Variants in TENM3 observed in about 807,000 individuals in gnomAD.
TENM3 encodes the protein teneurin-3.
TENM3 carries 63 observed loss-of-function variants against 255.1 expected under a neutral mutation model. The ratio of observed to expected loss-of-function variants is 0.25; its 90% CI spans 0.20 to 0.30. The LOEUF (loss-of-function observed/expected upper bound fraction) is 0.30. Among genes scored for constraint, TENM3 ranks in the 10% least tolerant of loss-of-function variants. The pLI is 1.00. For synonymous variants in TENM3, 1,306 were observed against 1,322.3 expected (o/e 0.99, Z 0.27); for missense variants, 2,929 against 3,461.1 (o/e 0.85, Z 3.86).
the TENM3 span, among the ~76,000 whole-genome samples, chr4:181,734,865 G>A: frequency 6.6e-6 from 1 of 152,030 alleles, no homozygotes; most frequent in South Asian, 2.1e-4. Flanking sequence ...CAAAGAAATG[G>A]CTTGATAGAA....
At chr4:182,160,193 G>A (rs1018210661) in intron 1 of TENM3, among the ~76,000 whole-genome samples, 2 of 150,942 alleles carry the variant, frequency 1.3e-5, no homozygotes, top group African/African-American at 2.4e-5. Flanking sequence ...TAGTAGAGAC[G>A]GGGTTTCACC....
the TENM3 span, among the ~76,000 whole-genome samples, chr4:181,943,049 T>C: frequency 1.3e-5 from 2 of 152,180 alleles, no homozygotes; most frequent in African/African-American, 4.8e-5. Context: ...CATTCAAATA[T>C]TTTGGGAGTA....
At chr4:182,576,967 C>T (rs190243675) in intron 3 of TENM3, among the ~76,000 whole-genome samples, 3 of 152,302 alleles carry the variant, frequency 2.0e-5, no homozygotes, top group Admixed American at 6.5e-5. Context: ...GCTTCCTTTC[C>T]TGCCTCTTGC....
the TENM3 span, among the ~76,000 whole-genome samples, chr4:181,589,554 G>C: frequency 3.5e-4 from 53 of 152,196 alleles, no homozygotes; most frequent in Non-Finnish European, 6.8e-4. Context: ...TAATGTTTAG[G>C]GGGGGCAAAA....
chr4:181,474,018 A>C, the TENM3 span, among the ~76,000 whole-genome samples: 3 of 152,000 alleles, frequency 2.0e-5, no homozygotes, highest in East Asian at 5.8e-4. Flanking sequence ...ACATTTTGCC[A>C]GTTAATACTA....
the TENM3 span, among the ~76,000 whole-genome samples, chr4:181,450,540 G>T: frequency 6.6e-6 from 1 of 152,250 alleles, no homozygotes; most frequent in East Asian, 1.9e-4. Context: ...ATGAAACAAG[G>T]AGAAACGTGT....
At chr4:181,901,174 C>T in the TENM3 span, among the ~76,000 whole-genome samples, 1 of 152,098 alleles carries the variant, frequency 6.6e-6, no homozygotes, top group Non-Finnish European at 1.5e-5. Flanking sequence ...GTATATTCTA[C>T]CTCTGTACCA....
chr4:182,632,343 C>T (rs1658000148), intron 5 of TENM3, among the ~76,000 whole-genome samples: 1 of 152,162 alleles, frequency 6.6e-6, no homozygotes, highest in Admixed American at 6.5e-5. Context: ...TGCTGTACCA[C>T]AGAGTAGGCA....
In TENM3 at chr4:182,776,151, G is replaced by A. The variant is rs191343396; in HGVS notation, c.5304+998G>A. ...AATAGGCTGGGCGTTGGTGGTTCAC[G>A]CCTGTAATCCCAACACTTTGGGAGG... On this transcript the variant is annotated intron_variant, in intron 24 of 27. Coordinates refer to ENST00000511685, the MANE Select transcript of TENM3 (RefSeq NM_001080477.4). 3.9e-3 allele frequency among the ~76,000 whole-genome samples: 593 copies of A among 152,244 alleles called. 1 individual carries two copies. The highest frequency in any genetic ancestry group is 6.2e-3 in the Non-Finnish European group (425 of 68,004).
the TENM3 span, among the ~76,000 whole-genome samples, chr4:182,032,682 T>C: frequency 1.3e-5 from 2 of 152,206 alleles, no homozygotes; most frequent in Non-Finnish European, 2.9e-5. Flanking sequence ...TATCTGGTCC[T>C]GGATTTTTAT....
the TENM3 span, among the ~76,000 whole-genome samples, chr4:181,763,502 A>C: frequency 6.6e-6 from 1 of 152,264 alleles, no homozygotes; most frequent in Admixed American, 6.5e-5. Flanking sequence ...ATAATTGAAC[A>C]AAATTAAAAG....
chr4:181,500,938 A>T, the TENM3 span, among the ~76,000 whole-genome samples: 3 of 152,090 alleles, frequency 2.0e-5, no homozygotes, highest in African/African-American at 7.2e-5. Context: ...GCCTGACAAC[A>T]TGGTTACAGG....
the TENM3 span, among the ~76,000 whole-genome samples, chr4:181,911,139 G>T: frequency 2.0e-5 from 3 of 152,248 alleles, no homozygotes; most frequent in African/African-American, 7.2e-5. Context: ...AGAAAAAGCG[G>T]GTAATTTGGT....
chr4:182,231,000 T>C (rs1322658433), intron 1 of TENM3, among the ~76,000 whole-genome samples: 1 of 150,938 alleles, frequency 6.6e-6, no homozygotes, highest in African/African-American at 2.4e-5. Context: ...TCTCTAACAC[T>C]CAGTGGCTCC....
intron 3 of TENM3, among the ~76,000 whole-genome samples, chr4:182,541,386 A>G (rs963779874): frequency 1.3e-5 from 2 of 152,234 alleles, no homozygotes; most frequent in Non-Finnish European, 2.9e-5. Context: ...GCAGAATGTT[A>G]AGAAATCTGT....
chr4:182,296,018 C>T (rs989796196), intron 1 of TENM3, among the ~76,000 whole-genome samples: 1 of 152,128 alleles, frequency 6.6e-6, no homozygotes, highest in Non-Finnish European at 1.5e-5. Context: ...ATGGTGTGAT[C>T]TCAGCCCACC....
At chr4:182,790,586 C>T (rs1766024941) in intron 25 of TENM3, among the ~76,000 whole-genome samples, 1 of 152,134 alleles carries the variant, frequency 6.6e-6, no homozygotes, top group Non-Finnish European at 1.5e-5. Flanking sequence ...CAGCTAGGAC[C>T]CTCATGGCCA....
chr4:182,155,074 G>T (rs182844159), intron 1 of TENM3, among the ~76,000 whole-genome samples: 1 of 152,040 alleles, frequency 6.6e-6, no homozygotes, highest in African/African-American at 2.4e-5. Flanking sequence ...TTTAGTCAGC[G>T]TCAATCAAAT....
At chr4:182,139,128 C>T (rs1211602959), upstream of TENM3, among the ~76,000 whole-genome samples, 1 of 152,140 alleles carries the variant, frequency 6.6e-6, no homozygotes, top group Non-Finnish European at 1.5e-5. Context: ...AAGGTTGAGC[C>T]CCTACACTCC....
Sources: gnomAD v4.1 joint callset for allele counts (sites outside exome capture counted in the v4.1 genomes callset) on GRCh38, gnomAD v4.1.1 for gene constraint, MANE v1.5 for transcripts, NCBI Gene and HGNC (gene_info 2026-07-23, HGNC 2026-07-21) for gene names.